The following NPL variants were observed in gnomAD, a reference collection of about 807,000 sequenced individuals.
The protein encoded by NPL is N-acetylneuraminate lyase.
NPL carries 32 observed loss-of-function variants against 41.1 expected under a neutral mutation model. That is an observed-to-expected ratio of 0.78 (90% confidence interval 0.59 to 1.05). The LOEUF is 1.05. Ranked by LOEUF, NPL falls within the 50% of genes least tolerant of loss-of-function variation. The probability of loss-of-function intolerance (pLI) is 0.00; values close to 1 mark genes in which losing one functional copy is unlikely to be tolerated. For synonymous variants in NPL, 128 were observed against 134.9 expected (o/e 0.95, Z 0.35); for missense variants, 321 against 378.4 (o/e 0.85, Z 1.26).
In NPL at chr1:182,829,393, A is replaced by C. The variant is rs868441529; in HGVS notation, c.*485A>C. 2.5e-5 allele frequency: 34 copies of C among 1,368,578 alleles called. No individual in the cohort carries two copies. The highest frequency in any genetic ancestry group is 5.6e-4 in the Middle Eastern group (2 of 3,570). 84.8% of individuals were successfully genotyped at this position (1,368,578 alleles called of 1,614,324 possible). A position where few individuals can be genotyped will look rare whatever the true frequency, so the allele number is the denominator to read the frequency against. ...ACATGTCTCAACTGTATACAACTCA[A>C]AATACACCAGCTCATTTGGCTGCTC... On this transcript the variant is annotated 3_prime_UTR_variant, in exon 13 of 13. Transcript: ENST00000367553.
At chr1:182,800,436 A>G (rs1202604474) in intron 3 of NPL, among the ~76,000 whole-genome samples, 1 of 87,084 alleles carries the variant, frequency 1.1e-5, no homozygotes, top group Non-Finnish European at 1.9e-5. Flanking sequence ...ACCCTGTCTC[A>G]AAAAAAAAAA....
intron 8 of NPL, among the ~76,000 whole-genome samples, chr1:182,817,949 A>C (rs76536674): frequency 6.6e-6 from 1 of 152,280 alleles, no homozygotes; most frequent in East Asian, 1.9e-4. Context: ...ATGGGTGATC[A>C]GCTCAATCTT....
intron 6 of NPL, among the ~76,000 whole-genome samples, chr1:182,813,265 G>C (rs932180574): frequency 6.6e-6 from 1 of 151,882 alleles, no homozygotes; most frequent in Non-Finnish European, 1.5e-5. Flanking sequence ...TACCTCTAAA[G>C]ATTACAATGA....
intron 8 of NPL, 108 bp downstream of exon 8, chr1:182,816,914 A>G: frequency 1.3e-6 from 1 of 795,954 alleles, no homozygotes; most frequent in Non-Finnish European, 2.1e-6. Flanking sequence ...CCAAAAGCAC[A>G]CCACCACTGA....
chr1:182,825,936 G>A, intron 12 of NPL, 116 bp downstream of exon 12: 2 of 851,172 alleles, frequency 2.3e-6, no homozygotes, highest in South Asian at 2.6e-5. Flanking sequence ...GTTGCAAGCA[G>A]AGTTCTGTTT....
intron 2 of NPL, among the ~76,000 whole-genome samples, chr1:182,792,883 C>A (rs897904086): frequency 2.6e-5 from 4 of 152,136 alleles, no homozygotes; most frequent in African/African-American, 9.7e-5. Flanking sequence ...GTTTATTCTC[C>A]TATTTGGGAA....
intron 11 of NPL, among the ~76,000 whole-genome samples, chr1:182,824,871 G>A (rs953087283): frequency 2.6e-5 from 4 of 152,176 alleles, no homozygotes; most frequent in African/African-American, 7.2e-5. Flanking sequence ...TCTGGAATCC[G>A]TGGATGAATA....
At chr1:182,802,030 T>C (rs569162827) in intron 3 of NPL, among the ~76,000 whole-genome samples, 1 of 152,234 alleles carries the variant, frequency 6.6e-6, no homozygotes, top group African/African-American at 2.4e-5. Context: ...CTTTAATTAA[T>C]GTAATAGTGA....
intron 10 of NPL, among the ~76,000 whole-genome samples, chr1:182,820,479 A>G (rs1667459507): frequency 6.6e-6 from 1 of 152,210 alleles, no homozygotes; most frequent in Non-Finnish European, 1.5e-5. Flanking sequence ...TTGAATGTGT[A>G]TTTGTTGACC....
chr1:182,792,906 A>C (rs573107450), intron 2 of NPL, among the ~76,000 whole-genome samples: 1 of 152,236 alleles, frequency 6.6e-6, no homozygotes, highest in Non-Finnish European at 1.5e-5. Context: ...TAAGATGAAC[A>C]ATTAGAAGAG....
At chr1:182,812,769 T>C (rs528589313) in intron 6 of NPL, among the ~76,000 whole-genome samples, 21 of 152,066 alleles carry the variant, frequency 1.4e-4, no homozygotes, top group African/African-American at 5.1e-4. Flanking sequence ...ACAGAGACAA[T>C]TGGATTGCTC....
At chr1:182,810,362 TTTATAGTGA>T (rs1667141373) in intron 5 of NPL, among the ~76,000 whole-genome samples, 1 of 152,198 alleles carries the variant, frequency 6.6e-6, no homozygotes, top group African/African-American at 2.4e-5. Context: ...GAAATTGCTT[TTTATAGTGA>T]ATTCACTTCT....
At chr1:182,823,819 C>T (rs758816184) in intron 11 of NPL, among the ~76,000 whole-genome samples, 2 of 152,100 alleles carry the variant, frequency 1.3e-5, no homozygotes, top group African/African-American at 2.4e-5. Flanking sequence ...ATAAATCATC[C>T]CATTGAAAAC....
chr1:182,799,828 G>C (rs559259361), intron 3 of NPL, among the ~76,000 whole-genome samples: 153 of 152,110 alleles, frequency 1.0e-3, no homozygotes, highest in Non-Finnish European at 1.8e-3. Context: ...ATTAAACTGG[G>C]TTTAAATATA....
intron 3 of NPL, among the ~76,000 whole-genome samples, chr1:182,796,980 A>C (rs1026471075): frequency 3.3e-5 from 5 of 150,622 alleles, no homozygotes; most frequent in Middle Eastern, 3.2e-3. Context: ...GGTTGCGGTG[A>C]GCCAAGATCA....
At chr1:182,820,409 C>T (rs1372387335) in intron 10 of NPL, among the ~76,000 whole-genome samples, 1 of 152,144 alleles carries the variant, frequency 6.6e-6, no homozygotes, top group East Asian at 1.9e-4. Flanking sequence ...GGCTTGTTCA[C>T]CAAGCCAAGA....
At chr1:182,810,812 T>A (rs1361871122) in intron 5 of NPL, among the ~76,000 whole-genome samples, 1 of 152,166 alleles carries the variant, frequency 6.6e-6, no homozygotes, top group East Asian at 1.9e-4. Flanking sequence ...TGAACTCACA[T>A]AATCCTTACA....
rs557672862 is a variant in NPL at position 182,821,048 on chromosome 1, C to T, written c.654-1067C>T. 1.3e-3 allele frequency among the ~76,000 whole-genome samples: 197 copies of T among 152,268 alleles called. 1 individual carries two copies. The highest frequency in any genetic ancestry group is 4.6e-3 in the African/African-American group (191 of 41,550). On this transcript the variant is annotated intron_variant, in intron 10 of 12. Transcript: ENST00000367553. ...CCTTTCTGTCTAACCAGGGATACAC[C>T]TAAGACCATTGGGATTCAAATGTTA...
intron 3 of NPL, among the ~76,000 whole-genome samples, chr1:182,801,159 G>A (rs959431552): frequency 2.0e-5 from 3 of 152,150 alleles, no homozygotes; most frequent in Non-Finnish European, 2.9e-5. Flanking sequence ...AAGAGGTCTG[G>A]TAGTTCCAAA....
Sources: gnomAD v4.1 joint callset for allele counts (sites outside exome capture counted in the v4.1 genomes callset) on GRCh38, gnomAD v4.1.1 for gene constraint, MANE v1.5 for transcripts, NCBI Gene and HGNC (gene_info 2026-07-23, HGNC 2026-07-21) for gene names.